TFEB: variants seen among roughly 807,000 people sequenced by gnomAD.
TFEB encodes transcription factor EB, also known as T-cell transcription factor EB.
TFEB carries 12 observed loss-of-function variants against 48.0 expected under a neutral mutation model. That is an observed-to-expected ratio of 0.25 (90% CI 0.16 to 0.40). The LOEUF (loss-of-function observed/expected upper bound fraction) is 0.40. TFEB is among the 10% of genes least tolerant of loss of function. The probability of loss-of-function intolerance (pLI) is 1.00; values close to 1 mark genes in which losing one functional copy is unlikely to be tolerated. For synonymous variants in TFEB, 244 were observed against 261.4 expected, an observed-to-expected ratio of 0.93 and a Z score of 0.64; for missense variants, 509 against 640.3, an observed-to-expected ratio of 0.79 and a Z score of 2.21.
At chr6:41,715,343 G>A (rs1770688121) in intron 1 of TFEB, among the ~76,000 whole-genome samples, 1 of 152,180 alleles carries the variant, frequency 6.6e-6, no homozygotes, top group South Asian at 2.1e-4. Flanking sequence ...TCCTCCACAT[G>A]GGAAAGGGAC....
chr6:41,725,852 C>A (rs12665839), intron 1 of TFEB, among the ~76,000 whole-genome samples: 1 of 152,174 alleles, frequency 6.6e-6, no homozygotes, highest in Non-Finnish European at 1.5e-5. Flanking sequence ...CTAACAAGAC[C>A]AAGTGTTGAT....
At chr6:41,711,869 T>G in intron 1 of TFEB, among the ~76,000 whole-genome samples, 1 of 152,156 alleles carries the variant, frequency 6.6e-6, no homozygotes, top group East Asian at 1.9e-4. Context: ...GGCTGCCCCC[T>G]TGGCAGGCTC....
intron 1 of TFEB, among the ~76,000 whole-genome samples, chr6:41,725,513 G>A (rs1771167162): frequency 6.6e-6 from 1 of 152,146 alleles, no homozygotes; most frequent in African/African-American, 2.4e-5. Context: ...AGGCTTCTTA[G>A]CCCCAGCAGG....
At position 41,734,789 on chromosome 6, in the gene TFEB, G is replaced by T; in HGVS notation, c.-23+561C>A. 2.8e-6 allele frequency: 2 copies of T among 712,344 alleles called. No homozygotes were observed. Among genetic ancestry groups the T allele is most frequent in the Non-Finnish European group, 3.4e-6 (2 of 580,096 alleles). The allele number at this position is 712,344 out of a possible 1,614,324, so 44.1% of individuals were successfully genotyped here. ...AGGGACGGGAAGGGAGGGAGAGATGGTACTTCCACCCGCCCCCCCATCAGC... is the reference window on the plus strand; with the variant it reads ...AGGGACGGGAAGGGAGGGAGAGATGTTACTTCCACCCGCCCCCCCATCAGC... On this transcript the variant is annotated intron_variant, in intron 1 of 8. Coordinates refer to ENST00000373033, the MANE Select transcript of TFEB (RefSeq NM_001271944.2). The surrounding 1 kb of genome is among the most constrained non-coding windows in gnomAD (Gnocchi z 4.0).
chr6:41,699,700 T>C (rs1054992682), intron 1 of TFEB, among the ~76,000 whole-genome samples: 1 of 152,220 alleles, frequency 6.6e-6, no homozygotes, highest in African/African-American at 2.4e-5. Flanking sequence ...CCTTTTATTA[T>C]ATTAGCTGGC....
intron 1 of TFEB, among the ~76,000 whole-genome samples, chr6:41,725,128 G>C (rs1455485050): frequency 1.3e-5 from 2 of 152,182 alleles, no homozygotes; most frequent in Non-Finnish European, 2.9e-5. Context: ...ACTTCCTCGA[G>C]GCCATGCAGC....
intron 6 of TFEB, 82 bp downstream of exon 6, chr6:41,687,671 G>T (rs751007964): frequency 3.2e-6 from 5 of 1,569,522 alleles, no homozygotes; most frequent in Non-Finnish European, 4.4e-6. Flanking sequence ...TTCCACCAGT[G>T]CAGGTCAGGG....
chr6:41,686,288 A>G (rs753742889), intron 7 of TFEB, 51 bp from the exon 8 acceptor site: 1 of 1,604,590 alleles, frequency 6.2e-7, no homozygotes, highest in African/African-American at 1.3e-5. Context: ...AAGAGTGGCC[A>G]AATCCTTGCT....
chr6:41,732,116 G>T (rs1377826994), intron 1 of TFEB, among the ~76,000 whole-genome samples: 1 of 152,090 alleles, frequency 6.6e-6, no homozygotes, highest in Non-Finnish European at 1.5e-5. Context: ...GAACTCCTGA[G>T]CTCCAGTGAT....
intron 7 of TFEB, 124 bp from the exon 8 acceptor site, chr6:41,686,361 A>G: frequency 1.5e-6 from 2 of 1,295,892 alleles, no homozygotes; most frequent in Non-Finnish European, 2.1e-6. Flanking sequence ...CCAGACCTGG[A>G]GGTGGAGGTG....
At chr6:41,728,755 G>T (rs1376074240) in intron 1 of TFEB, among the ~76,000 whole-genome samples, 2 of 152,232 alleles carry the variant, frequency 1.3e-5, no homozygotes, top group East Asian at 3.9e-4. Flanking sequence ...CCAGGAGGAG[G>T]CTGGGCCTGG....
At chr6:41,705,153 T>C (rs1770143279) in intron 1 of TFEB, among the ~76,000 whole-genome samples, 1 of 152,078 alleles carries the variant, frequency 6.6e-6, no homozygotes, top group Non-Finnish European at 1.5e-5. Flanking sequence ...CAGACAACCT[T>C]TGGGACAGTG....
intron 7 of TFEB, chr6:41,686,512 T>C (rs901289280): frequency 1.1e-4 from 29 of 270,000 alleles, no homozygotes; most frequent in East Asian, 5.6e-4. Context: ...ACCTTTCTTT[T>C]TTTTTTTTTT....
chr6:41,733,139 C>CGGGTGGG (rs1211081702), intron 1 of TFEB: 1 of 763,534 alleles, frequency 1.3e-6, no homozygotes, highest in African/African-American at 1.9e-5. Flanking sequence ...AAAGGGCAGC[C>CGGGTGGG]AGACTTGAGG....
chr6:41,686,858 T>C, intron 7 of TFEB: 1 of 567,560 alleles, frequency 1.8e-6, no homozygotes, highest in Admixed American at 3.0e-5. Context: ...GCATGACTGC[T>C]CCTCCAAGAA....
intron 1 of TFEB, chr6:41,733,151 G>A (rs1771521833): frequency 1.6e-6 from 1 of 622,630 alleles, no homozygotes; most frequent in South Asian, 7.1e-5. Flanking sequence ...GACTTGAGGG[G>A]TGGGAGTCCC....
chr6:41,692,863 G>A (rs928991953), intron 1 of TFEB, among the ~76,000 whole-genome samples: 1 of 152,228 alleles, frequency 6.6e-6, no homozygotes, highest in African/African-American at 2.4e-5. Flanking sequence ...TTGTGGTTGA[G>A]CAAGGACTTT....
intron 1 of TFEB, among the ~76,000 whole-genome samples, chr6:41,692,192 A>G (rs901412818): frequency 6.6e-6 from 1 of 152,012 alleles, no homozygotes; most frequent in East Asian, 1.9e-4. Flanking sequence ...TATTTCATTC[A>G]TTGTCTGTCT....
chr6:41,715,594 C>A (rs1770702130), intron 1 of TFEB, among the ~76,000 whole-genome samples: 1 of 151,836 alleles, frequency 6.6e-6, no homozygotes, highest in African/African-American at 2.4e-5. Context: ...CGCTTGAACC[C>A]AGGAGGCGGA....
Sources: gnomAD v4.1 joint callset for allele counts (sites outside exome capture counted in the v4.1 genomes callset) on GRCh38, gnomAD v4.1.1 for gene constraint, Gnocchi (gnomAD v3.1) non-coding constraint, MANE v1.5 for transcripts, NCBI Gene and HGNC (gene_info 2026-07-23, HGNC 2026-07-21) for gene names.